The following ZNF189 variants were observed in gnomAD, a reference collection of about 807,000 sequenced individuals.
ZNF189 encodes the protein zinc finger protein 189.
Under a neutral mutation model 53.5 loss-of-function variants are expected in ZNF189, and 33 were observed. The ratio of observed to expected loss-of-function variants is 0.62; its 90% CI spans 0.47 to 0.82. The LOEUF (loss-of-function observed/expected upper bound fraction) is 0.82, where lower values mean the gene tolerates loss of function less well. Among genes scored for constraint, ZNF189 ranks in the 40% least tolerant of loss-of-function variants. The pLI, the probability that ZNF189 is intolerant of heterozygous loss-of-function variation, is 0.00. For missense variants in ZNF189, 711 were observed against 753.9 expected (o/e 0.94, Z 0.67); for synonymous variants, 247 against 238.8 (o/e 1.03, Z -0.32).
chr9:101,409,489 A>G lies in ZNF189; in HGVS notation c.1721A>G (p.Asp574Gly), dbSNP rs769512658. ...AAACCTTATAAGTGTGAGAAGTGCG[A>G]CAAAAGTTTCAGTCAACAGCGCAGT... ...GEKPYKCEKC[D>G]KSFSQQRSLV... Residue 574 changes from aspartate (D) to glycine (G), a missense_variant, in exon 3 of 3, where the codon GAC becomes GGC. By Grantham distance (94) the Asp-to-Gly change is moderately conservative. Transcript: ENST00000339664. 1.2e-6 allele frequency: 2 copies of G among 1,614,170 alleles called. No individual in the cohort carries two copies. The highest frequency in any genetic ancestry group is 4.5e-5 in the East Asian group (2 of 44,886).
At chr9:101,404,875 A>G (rs879290489) in intron 2 of ZNF189, among the ~76,000 whole-genome samples, 1 of 152,230 alleles carries the variant, frequency 6.6e-6, no homozygotes, top group Non-Finnish European at 1.5e-5. Context: ...CATAGCAATA[A>G]TAGAATTATG....
chr9:101,403,491 T>A (rs1459484851), intron 2 of ZNF189, among the ~76,000 whole-genome samples: 8 of 152,234 alleles, frequency 5.3e-5, no homozygotes, highest in Non-Finnish European at 1.0e-4. Context: ...ATAATGCAAC[T>A]CTTGTCTAGC....
chr9:101,400,540 C>T (rs929408970), intron 2 of ZNF189, among the ~76,000 whole-genome samples: 6 of 152,186 alleles, frequency 3.9e-5, no homozygotes, highest in Non-Finnish European at 8.8e-5. Flanking sequence ...AAAATCTCTC[C>T]TTCTTTGAGG....
At chr9:101,400,300 T>A (rs1390164890) in intron 2 of ZNF189, among the ~76,000 whole-genome samples, 1 of 152,134 alleles carries the variant, frequency 6.6e-6, no homozygotes, top group Non-Finnish European at 1.5e-5. Flanking sequence ...TCACTCTGCG[T>A]TCTGGAACCC....
chr9:101,399,948 C>G lies in ZNF189; in HGVS notation c.98C>G (p.Pro33Arg). Residue 33 changes from proline (P) to arginine (R), a missense_variant, in exon 2 of 3, where the codon CCA (proline) becomes CGA (arginine). Transcript: ENST00000339664. ...FTQEEWDYLD[P>R]AQRSLYKDVM... ...CAGGAGGAGTGGGATTATCTGGACC[C>G]AGCTCAGAGAAGCCTGTATAAAGAT... 1.2e-6 allele frequency: 2 copies of G among 1,614,114 alleles called. No individual in the cohort carries two copies. The highest frequency in any genetic ancestry group is 1.7e-6 in the Non-Finnish European group (2 of 1,180,010).
In ZNF189 at chr9:101,409,460, A is replaced by C. The variant is rs1830855498; in HGVS notation, c.1692A>C (p.Gly564=). 9.9e-6 allele frequency: 16 copies of C among 1,614,042 alleles called. No individual in the cohort carries two copies. Among genetic ancestry groups the C allele is most frequent in the Non-Finnish European group, 1.4e-5 (16 of 1,180,030 alleles). ...TTCAGCATCAGAGAATACACACAGGAGAGAAACCTTATAAGTGTGAGAAGT... is the reference window on the plus strand; with the variant it reads ...TTCAGCATCAGAGAATACACACAGGCGAGAAACCTTATAAGTGTGAGAAGT... The part of the protein sequence containing the change: ...GLIQHQRIHT[G]EKPYKCEKCD... Residue 564 remains glycine (G), a synonymous_variant, in exon 3 of 3, where the codon GGA becomes GGC. Transcript: ENST00000339664.
intron 2 of ZNF189, among the ~76,000 whole-genome samples, chr9:101,402,653 A>T (rs1434252766): frequency 6.6e-6 from 1 of 152,164 alleles, no homozygotes; most frequent in Admixed American, 6.5e-5. Context: ...TGAATTTATC[A>T]TACTATACTA....
chr9:101,409,487 C>A lies in ZNF189; in HGVS notation c.1719C>A (p.Cys573Ter). 1 of 1,613,976 alleles carries A rather than the reference C, an allele frequency of 6.2e-7. No individual in the cohort carries two copies. The highest frequency in any genetic ancestry group is 8.5e-7 in the Non-Finnish European group (1 of 1,179,972). Reference protein sequence around the residue: ...TGEKPYKCEKCDKSFSQQRSL... With the variant: ...TGEKPYKCEK The stretch of plus-strand genomic sequence containing the variant: ...AGAAACCTTATAAGTGTGAGAAGTG[C>A]GACAAAAGTTTCAGTCAACAGCGCA... The change falls in exon 3 of 3, where the codon TGC becomes TGA. Residue 573 changes from cysteine to a stop codon, truncating the protein, a stop_gained. Coordinates refer to ENST00000339664, the MANE Select transcript of ZNF189 (RefSeq NM_003452.4). LOFTEE classifies it high-confidence loss of function.
intron 1 of ZNF189, 89 bp from the exon 2 acceptor site, chr9:101,399,795 G>C (rs907615243): frequency 6.3e-7 from 1 of 1,582,476 alleles, no homozygotes. Flanking sequence ...AGCCTACTTG[G>C]CCACAATAAG....
At chr9:101,399,334 A>G in intron 1 of ZNF189, 145 bp downstream of exon 1, 1 of 1,395,774 alleles carries the variant, frequency 7.2e-7, no homozygotes, top group Non-Finnish European at 9.3e-7. Flanking sequence ...CCACTAGTGC[A>G]TTGGGGTGCG....
intron 1 of ZNF189, chr9:101,399,489 C>G: frequency 2.3e-6 from 3 of 1,297,580 alleles, no homozygotes; most frequent in Non-Finnish European, 2.9e-6. Flanking sequence ...TTTTGACCTT[C>G]CCTTGTGTCT....
Position 101,408,168 on chromosome 9 carries a change from A to G in ZNF189, c.400A>G (p.Thr134Ala), listed in dbSNP as rs1830782703. ...GGAACAGAGAATGTTCAGAGAAAAC[A>G]CTAACATTATCCGTAAAAGACCAAA... ...TQEQRMFREN[T>A]NIIRKRPNSE... Residue 134 changes from threonine to alanine, a missense_variant, in exon 3 of 3, where the codon ACT becomes GCT. By Grantham distance (58) the Thr-to-Ala change is moderately conservative. Coordinates refer to ENST00000339664, the MANE Select transcript of ZNF189 (RefSeq NM_003452.4). 3 of 1,614,036 alleles carry G rather than the reference A, an allele frequency of 1.9e-6. No homozygotes were observed. Among genetic ancestry groups the G allele is most frequent in the Non-Finnish European group, 1.7e-6 (2 of 1,180,016 alleles).
chr9:101,404,422 A>G (rs1236322488), intron 2 of ZNF189, among the ~76,000 whole-genome samples: 1 of 152,178 alleles, frequency 6.6e-6, no homozygotes, highest in Non-Finnish European at 1.5e-5. Flanking sequence ...TGAGATCCTT[A>G]TAATATTGAA....
intron 2 of ZNF189, among the ~76,000 whole-genome samples, chr9:101,402,194 G>A (rs1057257734): frequency 6.6e-6 from 1 of 152,214 alleles, no homozygotes; most frequent in East Asian, 1.9e-4. Flanking sequence ...GGGATTACAG[G>A]CGTGAGCCAC....
In ZNF189 at chr9:101,408,160, G is replaced by A; in HGVS notation, c.392G>A (p.Arg131Lys). 6.2e-7 allele frequency: 1 copy of A among 1,614,118 alleles called. No individual in the cohort carries two copies. Among genetic ancestry groups the A allele is most frequent in the Non-Finnish European group, 8.5e-7 (1 of 1,180,020 alleles). ...TTGACCCAGGAACAGAGAATGTTCAGAGAAAACACTAACATTATCCGTAAA... is the reference window on the plus strand; with the variant it reads ...TTGACCCAGGAACAGAGAATGTTCAAAGAAAACACTAACATTATCCGTAAA... ...ESLTQEQRMF[R>K]ENTNIIRKRP... Residue 131 changes from arginine to lysine, a missense_variant, in exon 3 of 3, where the codon AGA becomes AAA. By Grantham distance (26) the Arg-to-Lys change is conservative. Transcript: ENST00000339664.
intron 2 of ZNF189, among the ~76,000 whole-genome samples, chr9:101,404,061 A>G (rs566330316): frequency 2.1e-4 from 32 of 152,318 alleles, no homozygotes; most frequent in African/African-American, 7.2e-4. Flanking sequence ...TGAGACAACT[A>G]TCTGTGTAGA....
intron 2 of ZNF189, among the ~76,000 whole-genome samples, chr9:101,404,772 T>G (rs1011945910): frequency 6.6e-6 from 1 of 152,192 alleles, no homozygotes; most frequent in African/African-American, 2.4e-5. Flanking sequence ...CTAACATAAC[T>G]GAACAAATAT....
In ZNF189 at chr9:101,399,946, C is replaced by T. The variant is rs1274503009; in HGVS notation, c.96C>T (p.Asp32=). ...CCCAGGAGGAGTGGGATTATCTGGA[C>T]CCAGCTCAGAGAAGCCTGTATAAAG... ...FFTQEEWDYL[D]PAQRSLYKDV... is the part of the protein sequence containing the mutation. Residue 32 remains aspartate (D), a synonymous_variant, in exon 2 of 3, where the codon GAC becomes GAT. Coordinates refer to ENST00000339664, the MANE Select transcript of ZNF189 (RefSeq NM_003452.4). The T allele has an allele frequency of 6.2e-7, 1 of 1,614,046 alleles. No homozygotes were observed. Among genetic ancestry groups the T allele is most frequent in the East Asian group, 2.2e-5 (1 of 44,872 alleles).
In ZNF189 at chr9:101,408,114, T is replaced by C. The variant is rs759623664; in HGVS notation, c.346T>C (p.Trp116Arg). 4 of 1,613,932 alleles carry C rather than the reference T, an allele frequency of 2.5e-6. No individual in the cohort carries two copies. The highest frequency in any genetic ancestry group is 2.2e-5 in the South Asian group (2 of 91,050). The change falls in exon 3 of 3, where the codon TGG becomes CGG. Residue 116 changes from tryptophan (W) to arginine (R), a missense_variant. Coordinates refer to ENST00000339664, the MANE Select transcript of ZNF189 (RefSeq NM_003452.4). ...RLDKQRGIFL[W>R]EIPRESLTQE... ...AGATAAACAAAGAGGGATCTTCCTA[T>C]GGGAAATACCAAGGGAATCTTTGAC...
Sources: gnomAD v4.1 joint callset for allele counts (sites outside exome capture counted in the v4.1 genomes callset) on GRCh38, gnomAD v4.1.1 for gene constraint, MANE v1.5 for transcripts, NCBI Gene and HGNC (gene_info 2026-07-23, HGNC 2026-07-21) for gene names.